CTSB: variants seen among roughly 807,000 people sequenced by gnomAD.
CTSB encodes the protein APP secretase.
Under a neutral mutation model 44.3 loss-of-function variants are expected in CTSB, and 57 were observed. The ratio of observed to expected loss-of-function variants is 1.29; its 90% CI spans 1.04 to 1.60. The LOEUF (loss-of-function observed/expected upper bound fraction) is 1.60, where lower values mean the gene tolerates loss of function less well. CTSB is among the 40% of genes most tolerant of loss of function. CTSB has a pLI of 0.00. For missense variants in CTSB, 768 were observed against 443.0 expected (o/e 1.73, Z -6.59); for synonymous variants, 320 against 168.0 (o/e 1.91, Z -7.00).
At chr8:11,845,291 A>G (rs980623335) in intron 9 of CTSB, 69 bp from the exon 10 acceptor site, 1 of 1,202,664 alleles carries the variant, frequency 8.3e-7, no homozygotes, top group Non-Finnish European at 1.2e-6. Context: ...ACTCATCCTT[A>G]AAAGACCTTA....
At chr8:11,847,945 G>A in intron 6 of CTSB, 122 bp downstream of exon 6, 1 of 1,346,586 alleles carries the variant, frequency 7.4e-7, no homozygotes, top group Non-Finnish European at 1.0e-6. Flanking sequence ...CTGTGCACCT[G>A]GCTAGCACCT....
rs180999186 is a variant in CTSB, at chr8:11,848,517, G to C, written c.447-365C>G. 7.9e-6 allele frequency: 3 copies of C among 379,102 alleles called. No homozygotes were observed. The East Asian group carries it at 1.9e-4, about 24-fold the overall frequency. The allele number at this position is 379,102 out of a possible 1,614,324, so 23.5% of individuals were successfully genotyped here. On this transcript the variant is annotated intron_variant, in intron 5 of 9. Coordinates refer to ENST00000353047, the MANE Select transcript of CTSB (RefSeq NM_001908.5). Reference sequence around the variant, plus strand: ...AAACACCACCAGTTCTCTGAAATGAGAATCGCCAGTGATTCCCATTTAACT... The same window carrying C: ...AAACACCACCAGTTCTCTGAAATGACAATCGCCAGTGATTCCCATTTAACT...
chr8:11,845,624 A>C, intron 9 of CTSB, 37 bp downstream of exon 9: 1 of 1,601,990 alleles, frequency 6.2e-7, no homozygotes, highest in Non-Finnish European at 8.5e-7. Flanking sequence ...GTGGCTCACA[A>C]TTCACTGTTC....
At chr8:11,852,743 G>C in intron 2 of CTSB, 48 bp from the exon 3 acceptor site, 1 of 1,549,460 alleles carries the variant, frequency 6.5e-7, no homozygotes, top group Middle Eastern at 1.7e-4. Context: ...GGATGGCGGT[G>C]GATGGGCACG....
At position 11,850,970 on chromosome 8, in the gene CTSB, T is replaced by C. The variant is rs74996838; in HGVS notation, c.223A>G (p.Thr75Ala). ...GPKPPQRVMF[T>A]EDLKLPASFD... ...CTTGCAGGCAGCTTCAGGTCCTCGGTAAACATAACTCTGGATAAAGGAAGG... is the reference window on the plus strand; with the variant it reads ...CTTGCAGGCAGCTTCAGGTCCTCGGCAAACATAACTCTGGATAAAGGAAGG... The change falls in exon 4 of 10, where the codon ACC becomes GCC. Residue 75 changes from threonine to alanine, a missense_variant. Physicochemically the swap from Thr to Ala is moderately conservative, Grantham distance 58. Transcript: ENST00000353047. The C allele has an allele frequency of 7.4e-4, 1,188 of 1,611,538 alleles. 9 individuals carry two copies. In the East Asian group the frequency reaches 0.018, roughly 24 times the overall value.
intron 4 of CTSB, among the ~76,000 whole-genome samples, chr8:11,849,766 A>C (rs1814208342): frequency 6.6e-6 from 1 of 151,970 alleles, no homozygotes; most frequent in African/African-American, 2.4e-5. Context: ...TTTTTAGTAG[A>C]GACAGGGTTT....
At chr8:11,851,483 C>T (rs890201999) in intron 3 of CTSB, among the ~76,000 whole-genome samples, 1 of 152,152 alleles carries the variant, frequency 6.6e-6, no homozygotes, top group East Asian at 1.9e-4. Flanking sequence ...ATCCACCACA[C>T]CTGGCCTGAC....
chr8:11,850,411 T>TC (rs1312647162), intron 4 of CTSB, among the ~76,000 whole-genome samples: 4 of 89,160 alleles, frequency 4.5e-5, no homozygotes, highest in Non-Finnish European at 7.9e-5. Flanking sequence ...AGAGCAAGAC[T>TC]CCATCTCCAA....
Position 11,845,707 on chromosome 8 carries a change from G to C in CTSB, c.876C>G (p.Pro292=), listed in dbSNP as rs754341148. 1 of 1,614,120 alleles carries C rather than the reference G, an allele frequency of 6.2e-7. No homozygotes were observed. The change falls in exon 9 of 10, where the codon CCC becomes CCG. Residue 292 remains proline (P), a synonymous_variant. Coordinates refer to ENST00000353047, the MANE Select transcript of CTSB (RefSeq NM_001908.5). The part of the protein sequence containing the change: ...ILGWGVENGT[P]YWLVANSWNT... ...TCCAGGAGTTGGCAACCAGCCAGTA[G>C]GGTGTGCCATTCTCCACTCCCCAGC...
intron 8 of CTSB, 139 bp from the exon 9 acceptor site, chr8:11,845,928 A>G (rs1017386667): frequency 2.0e-6 from 2 of 987,730 alleles, no homozygotes; most frequent in Non-Finnish European, 2.8e-6. Context: ...AGGAGGCTCC[A>G]GGGGGGGTCC....
intron 1 of CTSB, chr8:11,862,279 G>C (rs939142213): frequency 9.9e-5 from 15 of 152,002 alleles, no homozygotes; most frequent in Non-Finnish European, 2.2e-4. Flanking sequence ...TGGGGCCCTG[G>C]GAACAGATAC....
intron 1 of CTSB, among the ~76,000 whole-genome samples, chr8:11,862,953 G>A (rs1364290750): frequency 1.3e-5 from 2 of 152,178 alleles, no homozygotes; most frequent in African/African-American, 2.4e-5. Context: ...TACTGGCCTG[G>A]TAAAGACAGA....
intron 3 of CTSB, 94 bp downstream of exon 3, chr8:11,852,516 G>A (rs952464380): frequency 3.2e-5 from 29 of 908,122 alleles, no homozygotes; most frequent in African/African-American, 6.6e-5. Flanking sequence ...TGAGCCCTGC[G>A]GACGCCAGAG....
chr8:11,863,857 C>G (rs1443292980), intron 1 of CTSB, among the ~76,000 whole-genome samples: 3 of 152,066 alleles, frequency 2.0e-5, no homozygotes, highest in Admixed American at 6.6e-5. Flanking sequence ...ACTGGAGAAC[C>G]CTTTGCCAGC....
chr8:11,850,765 C>T, intron 4 of CTSB, 101 bp downstream of exon 4: 1 of 711,716 alleles, frequency 1.4e-6, no homozygotes, highest in Admixed American at 2.7e-5. Context: ...GTTTCTATAA[C>T]TTGCCTTGTC....
At chr8:11,864,111 C>G (rs962293043) in intron 1 of CTSB, among the ~76,000 whole-genome samples, 1 of 152,018 alleles carries the variant, frequency 6.6e-6, no homozygotes, top group African/African-American at 2.4e-5. Flanking sequence ...GAAAAAGGAT[C>G]CATGTAGTGT....
At chr8:11,862,000 G>T (rs1361719715) in intron 1 of CTSB, among the ~76,000 whole-genome samples, 1 of 152,156 alleles carries the variant, frequency 6.6e-6, no homozygotes, top group African/African-American at 2.4e-5. Context: ...GAGGTCAGGA[G>T]ATCGAGACCA....
intron 5 of CTSB, 43 bp downstream of exon 5, chr8:11,849,003 T>G (rs1192527315): frequency 7.0e-7 from 1 of 1,437,452 alleles, no homozygotes; most frequent in Admixed American, 1.7e-5. Flanking sequence ...GGGCCCAGGG[T>G]CTCTCAGCAC....
chr8:11,844,744 G>A lies in CTSB; in HGVS notation c.*381C>T, dbSNP rs1259329166. 4 of 187,380 alleles carry A rather than the reference G, an allele frequency of 2.1e-5. No individual in the cohort carries two copies. The highest frequency in any genetic ancestry group is 9.3e-5 in the African/African-American group (4 of 43,048). The allele number at this position is 187,380 out of a possible 1,614,324, so 11.6% of individuals were successfully genotyped here. A position where few individuals can be genotyped will look rare whatever the true frequency, so the allele number is the denominator to read the frequency against. ...AATGTGGAAAGCTACTTGCTTGGAGGTACTGGGGGAACTGATGGGGGAACT... is the reference window on the plus strand; with the variant it reads ...AATGTGGAAAGCTACTTGCTTGGAGATACTGGGGGAACTGATGGGGGAACT... On this transcript the variant is annotated 3_prime_UTR_variant, in exon 10 of 10. Coordinates refer to ENST00000353047, the MANE Select transcript of CTSB (RefSeq NM_001908.5).
Sources: allele counts gnomAD v4.1 joint callset (sites outside exome capture counted in the v4.1 genomes callset), GRCh38; gene constraint gnomAD v4.1.1; transcripts MANE v1.5; gene names NCBI Gene and HGNC (gene_info 2026-07-23, HGNC 2026-07-21).